The following XPO7 variants were observed in gnomAD, a reference collection of about 807,000 sequenced individuals.
The protein encoded by XPO7 is exportin 7.
XPO7 carries 21 observed loss-of-function variants against 144.3 expected under a neutral mutation model. The observed-to-expected ratio is 0.15, with a 90% CI of 0.10 to 0.21. The LOEUF (loss-of-function observed/expected upper bound fraction) is 0.21, where lower values mean the gene tolerates loss of function less well. Ranked by LOEUF, XPO7 falls within the 10% of genes least tolerant of loss-of-function variation. XPO7 has a pLI of 1.00. For missense variants in XPO7, 808 were observed against 1,325.8 expected (o/e 0.61, Z 6.06); for synonymous variants, 580 against 499.6 (o/e 1.16, Z -2.15).
Position 21,970,321 on chromosome 8 carries a change from T to C in XPO7, c.426+11T>C. 6.2e-7 allele frequency: 1 copy of C among 1,610,828 alleles called. No individual in the cohort carries two copies. The highest frequency in any genetic ancestry group is 8.5e-7 in the Non-Finnish European group (1 of 1,178,608). On this transcript the variant is annotated intron_variant, in intron 4 of 27. Coordinates refer to ENST00000252512, the MANE Select transcript of XPO7 (RefSeq NM_015024.5). Reference sequence around the variant, plus strand: ...ACAAGGTTTTTACAGGTACAGTGTATATATTTGATGTAATGGGAATGGGAG... The same window carrying C: ...ACAAGGTTTTTACAGGTACAGTGTACATATTTGATGTAATGGGAATGGGAG...
At chr8:21,976,555 G>A (rs1329246833) in intron 7 of XPO7, 34 bp downstream of exon 7, 8 of 1,595,420 alleles carry the variant, frequency 5.0e-6, no homozygotes, top group Non-Finnish European at 6.8e-6. Context: ...AAGGCTGTCT[G>A]TCACTCCCCT....
intron 1 of XPO7, among the ~76,000 whole-genome samples, chr8:21,964,974 C>G (rs1343918666): frequency 6.6e-6 from 1 of 152,160 alleles, no homozygotes; most frequent in Admixed American, 6.5e-5. Flanking sequence ...CAGGGAGTGT[C>G]TGTTCAGGAT....
chr8:21,949,421 T>C (rs536984846), intron 1 of XPO7, among the ~76,000 whole-genome samples: 2 of 152,358 alleles, frequency 1.3e-5, no homozygotes, highest in South Asian at 4.1e-4. Flanking sequence ...TGATAATTCT[T>C]GGATTCTTAC....
chr8:21,965,441 A>AT (rs1811851880), intron 1 of XPO7, among the ~76,000 whole-genome samples: 1 of 152,098 alleles, frequency 6.6e-6, no homozygotes, highest in African/African-American at 2.4e-5. Context: ...TGCAATTGCG[A>AT]TTTTCTCTGT....
chr8:21,928,661 G>A (rs905051742), intron 1 of XPO7, among the ~76,000 whole-genome samples: 1 of 152,104 alleles, frequency 6.6e-6, no homozygotes, highest in African/African-American at 2.4e-5. Flanking sequence ...ACTGACATTT[G>A]TATATCTCAG....
intron 8 of XPO7, among the ~76,000 whole-genome samples, chr8:21,978,208 C>T (rs964218182): frequency 6.6e-6 from 1 of 152,116 alleles, no homozygotes; most frequent in Non-Finnish European, 1.5e-5. Flanking sequence ...CTTAGGTGTA[C>T]ATTAGATTGT....
chr8:21,928,997 G>C (rs1368505653), intron 1 of XPO7, among the ~76,000 whole-genome samples: 2 of 152,148 alleles, frequency 1.3e-5, no homozygotes, highest in Non-Finnish European at 2.9e-5. Context: ...TTGGTGATGT[G>C]TCCCTTCAAA....
At position 21,955,724 on chromosome 8, in the gene XPO7, CTTTTT is replaced by C. The variant is rs71544845; in HGVS notation, c.19-11114_19-11110del. On this transcript the variant is annotated intron_variant, in intron 1 of 27. Transcript: ENST00000252512. ...CTCATGGCCTGTATTCTGTGCTTAC[CTTTTT>C]TTTTTTTTTTTTTTTTTTGAGATGG... is the stretch of plus-strand genomic sequence containing the variant. 3.0e-3 allele frequency among the ~76,000 whole-genome samples: 308 copies of C among 102,704 alleles called. 2 individuals are homozygous for C. Among genetic ancestry groups the C allele is most frequent in the Middle Eastern group, 6.8e-3 (1 of 146 alleles). The allele number at this position is 102,704 out of a possible 152,430, so 67.4% of individuals were successfully genotyped here.
chr8:21,977,303 G>C (rs59650417), intron 7 of XPO7, among the ~76,000 whole-genome samples: 1 of 152,138 alleles, frequency 6.6e-6, no homozygotes, highest in Non-Finnish European at 1.5e-5. Context: ...AAAAGAGGCC[G>C]GGCGTGGTGG....
At chr8:21,981,494 C>T (rs1812409126) in intron 9 of XPO7, among the ~76,000 whole-genome samples, 1 of 152,170 alleles carries the variant, frequency 6.6e-6, no homozygotes, top group Non-Finnish European at 1.5e-5. Context: ...ATAATGTCAT[C>T]TCATGTGATT....
intron 6 of XPO7, among the ~76,000 whole-genome samples, chr8:21,975,201 G>T (rs888105631): frequency 6.6e-6 from 1 of 152,230 alleles, no homozygotes; most frequent in Non-Finnish European, 1.5e-5. Context: ...TTAGCATACA[G>T]AAACCAGGCT....
chr8:21,980,151 A>G lies in XPO7; in HGVS notation c.905A>G (p.Lys302Arg), dbSNP rs780137310. 6.2e-7 allele frequency: 1 copy of G among 1,605,752 alleles called. No homozygotes were observed. Among genetic ancestry groups the G allele is most frequent in the Non-Finnish European group, 8.5e-7 (1 of 1,175,708 alleles). Reference protein sequence around the residue: ...RSLFNNAERAKFLSHLVDGVK... With the variant: ...RSLFNNAERARFLSHLVDGVK... ...CTGTTTAACAATGCAGAGAGGGCCA[A>G]GTTTCTCTCTCATCTTGTTGATGGT... is the stretch of plus-strand genomic sequence containing the variant. Residue 302 changes from lysine to arginine, a missense_variant, in exon 9 of 28, where the codon AAG becomes AGG. Lys to Arg is a conservative substitution (Grantham distance 26). This residue lies in a region of XPO7 where 223 missense variants were observed against 368.8 expected (regional missense o/e 0.60). Transcript: ENST00000252512.
intron 14 of XPO7, 88 bp downstream of exon 14, chr8:21,987,364 T>A: frequency 1.9e-6 from 3 of 1,558,240 alleles, no homozygotes; most frequent in Non-Finnish European, 1.8e-6. Context: ...ATAGTTCACA[T>A]AACCTCCAGA....
chr8:22,000,694 C>T (rs1222841239), intron 24 of XPO7, among the ~76,000 whole-genome samples: 1 of 152,130 alleles, frequency 6.6e-6, no homozygotes, highest in Non-Finnish European at 1.5e-5. Context: ...ACCTCATGAT[C>T]CGCCTGGCTT....
chr8:21,990,340 TCACGTACAGTAG>T lies in XPO7; in HGVS notation c.1869-2_1878del. ...TTTCCTTGACCTTCTTCCTTTGTCT[TCACGTACAGTAG>T]CGTAAGGAAGCTAGTGAAGCTTAGT... On this transcript the variant is annotated splice_acceptor_variant and splice_polypyrimidine_tract_variant and coding_sequence_variant and intron_variant, in exon 17 of 28. Transcript: ENST00000252512. LOFTEE classifies it high-confidence loss of function. 1 of 1,613,502 alleles carries T rather than the reference TCACGTACAGTAG, an allele frequency of 6.2e-7. No individual in the cohort carries two copies. Among genetic ancestry groups the T allele is most frequent in the Non-Finnish European group, 8.5e-7 (1 of 1,179,436 alleles).
chr8:21,979,499 C>T (rs950937695), intron 8 of XPO7, among the ~76,000 whole-genome samples: 8 of 150,728 alleles, frequency 5.3e-5, no homozygotes, highest in African/African-American at 2.0e-4. Flanking sequence ...CCTCCGCCTC[C>T]CAGCTTCAAG....
chr8:21,927,452 C>G (rs889724537), intron 1 of XPO7, among the ~76,000 whole-genome samples: 23 of 150,850 alleles, frequency 1.5e-4, no homozygotes, highest in Admixed American at 1.5e-3. Context: ...GTTTAGGTTA[C>G]TGTTAATGTA....
intron 1 of XPO7, among the ~76,000 whole-genome samples, chr8:21,926,042 A>G (rs993316109): frequency 1.3e-5 from 2 of 152,194 alleles, no homozygotes; most frequent in African/African-American, 4.8e-5. Context: ...TTCTTATGGG[A>G]CAAGAAATTA....
At chr8:21,981,956 A>G in intron 10 of XPO7, 79 bp downstream of exon 10, 1 of 1,543,452 alleles carries the variant, frequency 6.5e-7, no homozygotes, top group Non-Finnish European at 8.8e-7. Context: ...GTAAGAATAT[A>G]TTTTTTTTTC....
Sources: gnomAD v4.1 joint callset for allele counts (sites outside exome capture counted in the v4.1 genomes callset) on GRCh38, gnomAD v4.1.1 for gene constraint, gnomAD v4.1.1 regional missense constraint, MANE v1.5 for transcripts, NCBI Gene and HGNC (gene_info 2026-07-23, HGNC 2026-07-21) for gene names.